Variants in DNAAF9 observed in about 807,000 individuals in gnomAD.
DNAAF9 encodes dynein axonemal assembly factor 9.
Under a neutral mutation model 167.0 loss-of-function variants are expected in DNAAF9, and 90 were observed. That is an observed-to-expected ratio of 0.54 (90% CI 0.45 to 0.64). The LOEUF (loss-of-function observed/expected upper bound fraction) is 0.64. Ranked by LOEUF, DNAAF9 falls within the 30% of genes least tolerant of loss-of-function variation. The probability of loss-of-function intolerance (pLI) is 0.00; values close to 1 mark genes in which losing one functional copy is unlikely to be tolerated. For missense variants in DNAAF9, 1,315 were observed against 1,442.2 expected, an observed-to-expected ratio of 0.91 and a Z score of 1.43; for synonymous variants, 491 against 508.8, an observed-to-expected ratio of 0.96 and a Z score of 0.47.
At chr20:3,325,605 CCT>C (rs370187911) in intron 13 of DNAAF9, among the ~76,000 whole-genome samples, 56 of 152,258 alleles carry the variant, frequency 3.7e-4, no homozygotes, top group African/African-American at 1.3e-3. Context: ...CAAATGGCTT[CCT>C]TCAGAAAAGG....
At chr20:3,385,843 A>G (rs2083727545) in intron 1 of DNAAF9, among the ~76,000 whole-genome samples, 1 of 152,246 alleles carries the variant, frequency 6.6e-6, no homozygotes, top group Non-Finnish European at 1.5e-5. Flanking sequence ...GATTAAAGAA[A>G]TTAAAGAAGA....
At chr20:3,394,410 T>G (rs778770753) in intron 1 of DNAAF9, among the ~76,000 whole-genome samples, 10 of 152,144 alleles carry the variant, frequency 6.6e-5, no homozygotes, top group Non-Finnish European at 1.5e-4. Context: ...AGATTTTGTT[T>G]ATAGTCTCTT....
chr20:3,326,823 G>A (rs79793215), intron 12 of DNAAF9, among the ~76,000 whole-genome samples: 6,691 of 151,612 alleles, frequency 0.044, 221 homozygotes, highest in African/African-American at 0.094. Context: ...AAGGAAAGTC[G>A]GCTCCTCTGA....
chr20:3,310,122 G>A (rs528276196), intron 20 of DNAAF9, among the ~76,000 whole-genome samples: 3 of 151,754 alleles, frequency 2.0e-5, no homozygotes, highest in South Asian at 2.1e-4. Context: ...AACCTGGGAG[G>A]CAGAGGTTGC....
chr20:3,257,026 A>G (rs938468131), intron 33 of DNAAF9, among the ~76,000 whole-genome samples: 9 of 151,930 alleles, frequency 5.9e-5, no homozygotes, highest in African/African-American at 2.2e-4. Flanking sequence ...CAGACAAAAA[A>G]ACCAGTACAG....
intron 27 of DNAAF9, among the ~76,000 whole-genome samples, chr20:3,283,944 T>C (rs1176523295): frequency 2.0e-5 from 3 of 152,070 alleles, no homozygotes; most frequent in Non-Finnish European, 4.4e-5. Context: ...CCATTGACTT[T>C]AATGGAAAAA....
chr20:3,273,111 G>A (rs2068622315), intron 29 of DNAAF9, among the ~76,000 whole-genome samples: 1 of 152,148 alleles, frequency 6.6e-6, no homozygotes. Flanking sequence ...GATTACAGAC[G>A]TGAGCCATCG....
At chr20:3,353,948 G>C (rs2083250982) in intron 7 of DNAAF9, among the ~76,000 whole-genome samples, 1 of 152,208 alleles carries the variant, frequency 6.6e-6, no homozygotes, top group Non-Finnish European at 1.5e-5. Flanking sequence ...GAATCATTAA[G>C]TGCTGCTTTT....
intron 20 of DNAAF9, among the ~76,000 whole-genome samples, chr20:3,309,541 G>A (rs1431417520): frequency 6.6e-6 from 1 of 152,174 alleles, no homozygotes; most frequent in Non-Finnish European, 1.5e-5. Flanking sequence ...AAAGAGACTT[G>A]ATTTATAACA....
Position 3,298,047 on chromosome 20 carries a change from G to T in DNAAF9, c.1911C>A (p.Tyr637Ter). The T allele has an allele frequency of 6.2e-7, 1 of 1,612,924 alleles. No homozygotes were observed. The highest frequency in any genetic ancestry group is 8.5e-7 in the Non-Finnish European group (1 of 1,178,908). ...ATATTACCTCTGAGTAAAATGCTTG[G>T]TATATCTTCGATTTGGGGAAAAGGG... The part of the protein sequence containing the change: ...MIALFPKSKI[Y>*]QAFYSEVFSL... Residue 637 changes from tyrosine (Y) to a stop codon, truncating the protein, a stop_gained, in exon 22 of 37, where the codon TAC becomes TAA. Transcript: ENST00000252032. LOFTEE classifies it high-confidence loss of function.
At chr20:3,393,690 A>G (rs1239697374) in intron 1 of DNAAF9, among the ~76,000 whole-genome samples, 1 of 152,220 alleles carries the variant, frequency 6.6e-6, no homozygotes. Context: ...CAAACACAAA[A>G]GTTTCTACAA....
At chr20:3,356,212 T>C (rs6051782) in intron 7 of DNAAF9, among the ~76,000 whole-genome samples, 33,101 of 151,904 alleles carry the variant, frequency 0.22, 3,840 homozygotes, top group African/African-American at 0.27. Context: ...GAGATGAGGG[T>C]TCACCATGTT....
At chr20:3,331,830 C>T (rs776503709) in intron 11 of DNAAF9, among the ~76,000 whole-genome samples, 14 of 152,148 alleles carry the variant, frequency 9.2e-5, no homozygotes, top group East Asian at 1.9e-4. Flanking sequence ...TGCACCAGCA[C>T]GCCTGGCTAA....
chr20:3,295,865 A>C, intron 23 of DNAAF9: 1 of 1,047,100 alleles, frequency 9.6e-7, no homozygotes, highest in Non-Finnish European at 1.5e-6. Context: ...GACATCCTTT[A>C]ATGTTCTCAT....
chr20:3,358,288 C>T (rs2083316254), intron 7 of DNAAF9, among the ~76,000 whole-genome samples: 1 of 151,622 alleles, frequency 6.6e-6, no homozygotes, highest in Admixed American at 6.6e-5. Flanking sequence ...ATGGTATACC[C>T]TTTTCTTTTT....
chr20:3,265,954 A>G (rs572657383), intron 30 of DNAAF9, among the ~76,000 whole-genome samples: 6 of 152,308 alleles, frequency 3.9e-5, no homozygotes, highest in African/African-American at 1.4e-4. Context: ...CGTTGGGATT[A>G]CAGGCGTGAG....
chr20:3,310,415 T>G (rs1386284248), intron 20 of DNAAF9, among the ~76,000 whole-genome samples: 3 of 145,588 alleles, frequency 2.1e-5, no homozygotes, highest in Non-Finnish European at 3.0e-5. Context: ...CCAGGCGCAG[T>G]GGGTCACGCC....
intron 31 of DNAAF9, among the ~76,000 whole-genome samples, chr20:3,263,078 C>T (rs2068423501): frequency 6.7e-6 from 1 of 149,378 alleles, no homozygotes; most frequent in Non-Finnish European, 1.5e-5. Context: ...AGCTTCACAC[C>T]ATTCTCCTGC....
At chr20:3,340,129 C>G (rs1282827309) in intron 10 of DNAAF9, among the ~76,000 whole-genome samples, 1 of 152,146 alleles carries the variant, frequency 6.6e-6, no homozygotes, top group African/African-American at 2.4e-5. Context: ...GGCTTCTGTC[C>G]TTAAATGTTA....
Sources: gnomAD v4.1 joint callset for allele counts (sites outside exome capture counted in the v4.1 genomes callset) on GRCh38, gnomAD v4.1.1 for gene constraint, MANE v1.5 for transcripts, NCBI Gene and HGNC (gene_info 2026-07-23, HGNC 2026-07-21) for gene names.